KHDC1: variants seen among roughly 807,000 people sequenced by gnomAD.
The protein encoded by KHDC1 is KH domain containing 1.
KHDC1 carries 21 observed loss-of-function variants against 24.7 expected under a neutral mutation model. The ratio of observed to expected loss-of-function variants is 0.85; its 90% confidence interval spans 0.60 to 1.23. The LOEUF is 1.23. KHDC1 is among the 50% of genes most tolerant of loss of function. The pLI is 0.00. For missense variants in KHDC1, 274 were observed against 298.5 expected (o/e 0.92, Z 0.61); for synonymous variants, 98 against 111.7 (o/e 0.88, Z 0.77).
At chr6:73,277,231 G>T (rs898252872) in intron 2 of KHDC1, among the ~76,000 whole-genome samples, 7 of 152,154 alleles carry the variant, frequency 4.6e-5, no homozygotes, top group African/African-American at 1.7e-4. Flanking sequence ...CTGGGAAGTG[G>T]AGGCAGGCGG....
chr6:73,243,422 A>G (rs1373639404), intron 2 of KHDC1, among the ~76,000 whole-genome samples: 1 of 152,214 alleles, frequency 6.6e-6, no homozygotes, highest in Non-Finnish European at 1.5e-5. Flanking sequence ...GTTCAGATCT[A>G]CACCATTGTC....
intron 2 of KHDC1, among the ~76,000 whole-genome samples, chr6:73,251,044 G>C (rs560163086): frequency 6.6e-6 from 1 of 151,930 alleles, no homozygotes; most frequent in South Asian, 2.1e-4. Flanking sequence ...GGCTGCTATC[G>C]TCAAACTCCT....
intron 2 of KHDC1, among the ~76,000 whole-genome samples, chr6:73,284,435 A>C (rs2150691014): frequency 6.6e-6 from 1 of 152,282 alleles, no homozygotes; most frequent in Non-Finnish European, 1.5e-5. Context: ...GGCTTAGTGC[A>C]CAAGGACCAT....
intron 2 of KHDC1, among the ~76,000 whole-genome samples, chr6:73,289,867 G>A (rs1478237691): frequency 2.0e-5 from 3 of 151,970 alleles, no homozygotes; most frequent in East Asian, 1.9e-4. Context: ...TTGGGAGGCC[G>A]AGGCGGGTGG....
chr6:73,279,598 T>G (rs1373630987), intron 2 of KHDC1, among the ~76,000 whole-genome samples: 7 of 109,366 alleles, frequency 6.4e-5, no homozygotes, highest in Non-Finnish European at 1.4e-4. Context: ...TTTTTTTTTT[T>G]GAAGAGATGT....
intron 2 of KHDC1, among the ~76,000 whole-genome samples, chr6:73,246,602 A>T (rs1766669459): frequency 6.6e-6 from 1 of 152,176 alleles, no homozygotes; most frequent in Non-Finnish European, 1.5e-5. Flanking sequence ...AATGACAAAG[A>T]CATTTTCTTC....
At chr6:73,289,460 T>G (rs1170770954) in intron 2 of KHDC1, among the ~76,000 whole-genome samples, 1 of 146,706 alleles carries the variant, frequency 6.8e-6, no homozygotes, top group Non-Finnish European at 1.5e-5. Context: ...GATCAGCCTG[T>G]CCAACATGGC....
intron 2 of KHDC1, among the ~76,000 whole-genome samples, chr6:73,249,930 T>C (rs1290525552): frequency 6.6e-6 from 1 of 152,090 alleles, no homozygotes; most frequent in East Asian, 1.9e-4. Flanking sequence ...GTAGAGTACT[T>C]AAAAAGCAGG....
At position 73,280,514 on chromosome 6, in the gene KHDC1, CTT is replaced by C. The variant is rs55832102; in HGVS notation, c.206+11482_206+11483del. On this transcript the variant is annotated intron_variant, in intron 2 of 4. Coordinates refer to ENST00000370384, the Ensembl canonical transcript of KHDC1. ...TGTGAATTACAATGGTCTTTAATTT[CTT>C]TTTTTTTTTTTTTTTTTTGAGACTT... 1.8e-3 allele frequency among the ~76,000 whole-genome samples: 207 copies of C among 117,452 alleles called. 2 individuals are homozygous for C. Among genetic ancestry groups the C allele is most frequent in the African/African-American group, 5.6e-3 (177 of 31,448 alleles). 77.1% of individuals were successfully genotyped at this position (117,452 alleles called of 152,430 possible). A position where few individuals can be genotyped will look rare whatever the true frequency, so the allele number is the denominator to read the frequency against.
chr6:73,284,694 C>G (rs191008188), intron 2 of KHDC1: 38 of 152,204 alleles, frequency 2.5e-4, no homozygotes, highest in African/African-American at 8.7e-4. Context: ...TACAACATTG[C>G]TGGATTGATA....
At chr6:73,281,100 T>C (rs1260033294) in intron 2 of KHDC1, among the ~76,000 whole-genome samples, 1 of 151,922 alleles carries the variant, frequency 6.6e-6, no homozygotes, top group Non-Finnish European at 1.5e-5. Context: ...TCCCAGCACT[T>C]TGGGAGGCCA....
chr6:73,265,528 CAAAAAAA>C (rs70994179), intron 2 of KHDC1, among the ~76,000 whole-genome samples: 1 of 74,502 alleles, frequency 1.3e-5, no homozygotes, highest in African/African-American at 5.1e-5. Flanking sequence ...GACTCCGTCT[CAAAAAAA>C]AAAAAAAAAA....
intron 2 of KHDC1, among the ~76,000 whole-genome samples, chr6:73,283,962 T>C (rs906951077): frequency 6.6e-6 from 1 of 152,098 alleles, no homozygotes; most frequent in South Asian, 2.1e-4. Flanking sequence ...GCAAAGATTA[T>C]GACACCGAGA....
chr6:73,288,217 G>A (rs1767557744), intron 2 of KHDC1, among the ~76,000 whole-genome samples: 1 of 152,246 alleles, frequency 6.6e-6, no homozygotes, highest in African/African-American at 2.4e-5. Flanking sequence ...GCTGTGCCAG[G>A]TGTGGTGTTT....
intron 2 of KHDC1, among the ~76,000 whole-genome samples, chr6:73,276,907 G>A (rs1025060908): frequency 3.9e-5 from 6 of 152,126 alleles, no homozygotes; most frequent in African/African-American, 9.7e-5. Context: ...AATTGGTATC[G>A]ATTGACAAGA....
chr6:73,293,840 C>G (rs1313678009), intron 1 of KHDC1, among the ~76,000 whole-genome samples: 1 of 151,898 alleles, frequency 6.6e-6, no homozygotes, highest in African/African-American at 2.4e-5. Context: ...AACCCCGTCT[C>G]TACAAAAACA....
chr6:73,274,330 C>T (rs1396676774), intron 2 of KHDC1: 1 of 152,198 alleles, frequency 6.6e-6, no homozygotes, highest in Non-Finnish European at 1.5e-5. Context: ...AGCTGGTTAG[C>T]ATTGCAGCAA....
At chr6:73,241,750 C>A (rs1483008011) in intron 4 of KHDC1, 22 bp from the exon 4 acceptor site, 1 of 1,613,098 alleles carries the variant, frequency 6.2e-7, no homozygotes, top group South Asian at 1.1e-5. Context: ...GTGCCCAGGG[C>A]TAATGAACCA....
At chr6:73,306,844 T>C (rs1767974813) in intron 1 of KHDC1, among the ~76,000 whole-genome samples, 1 of 151,988 alleles carries the variant, frequency 6.6e-6, no homozygotes, top group African/African-American at 2.4e-5. Flanking sequence ...CCGTCTCTAC[T>C]AAAAATACAA....
Sources: gnomAD v4.1 joint callset for allele counts (sites outside exome capture counted in the v4.1 genomes callset) on GRCh38, gnomAD v4.1.1 for gene constraint, MANE v1.5 for transcripts, NCBI Gene and HGNC (gene_info 2026-07-23, HGNC 2026-07-21) for gene names.